ACTR8: variants seen among roughly 807,000 people sequenced by gnomAD.
ACTR8 encodes the protein actin-related protein 8.
In ACTR8, 70 loss-of-function variants were observed where a neutral mutation model predicts 84.3. The ratio of observed to expected loss-of-function variants is 0.83; its 90% CI spans 0.68 to 1.01. ACTR8 has a LOEUF of 1.01. Ranked by LOEUF, ACTR8 falls within the 50% of genes least tolerant of loss-of-function variation. The pLI is 0.00. For synonymous variants in ACTR8, 268 were observed against 275.2 expected (o/e 0.97, Z 0.26); for missense variants, 672 against 775.4 (o/e 0.87, Z 1.58).
At chr3:53,863,950 G>A (rs997550669), downstream of ACTR8, among the ~76,000 whole-genome samples, 2 of 151,770 alleles carry the variant, frequency 1.3e-5, no homozygotes, top group Admixed American at 6.6e-5. Context: ...AGCCGCCTGA[G>A]TAGCTGGGAC....
At position 53,872,632 on chromosome 3, in the gene ACTR8, A is replaced by G. The variant is rs866535112; in HGVS notation, c.1162-108T>C. ...ACAAAACTGGCAGATCAGATTCCCT[A>G]AGTTAGACTGGGCAATGTTCTCTTT... On this transcript the variant is annotated intron_variant, in intron 9 of 12. Transcript: ENST00000335754. 57 of 1,328,668 alleles carry G rather than the reference A, an allele frequency of 4.3e-5. 1 individual carries two copies. Among genetic ancestry groups the G allele is most frequent in the Middle Eastern group, 4.1e-4 (2 of 4,820 alleles). 82.3% of individuals were successfully genotyped at this position (1,328,668 alleles called of 1,614,324 possible). A position where few individuals can be genotyped will look rare whatever the true frequency, so the allele number is the denominator to read the frequency against.
the ACTR8 span, chr3:53,861,655 G>C: frequency 1.3e-5 from 2 of 152,210 alleles, no homozygotes; most frequent in Non-Finnish European, 2.9e-5. Flanking sequence ...AGAATTTAAT[G>C]CCAGTAAAGG....
chr3:53,881,839 GA>G, intron 1 of ACTR8, 139 bp downstream of exon 1: 1 of 1,385,892 alleles, frequency 7.2e-7, no homozygotes. Flanking sequence ...ACCCGGAAAA[GA>G]ACGACCGCTT....
chr3:53,864,660 A>G (rs1699714375), downstream of ACTR8: 1 of 1,014,134 alleles, frequency 9.9e-7, no homozygotes, highest in Non-Finnish European at 1.5e-6. Flanking sequence ...ATTCTCTAGC[A>G]AGGGATCATT....
rs746466161 is a variant in ACTR8 at position 53,870,735 on chromosome 3, T to C, written c.1567+497A>G. Among the ~76,000 whole-genome samples, 2 of 152,184 alleles carry C rather than the reference T, an allele frequency of 1.3e-5. No homozygotes were observed. Among genetic ancestry groups the C allele is most frequent in the Non-Finnish European group, 2.9e-5 (2 of 68,008 alleles). ...CTTCTCTAGCCTCATCCTCACACCC[T>C]GCTTCCCAGCCACACAGGTCTTCAC... is the stretch of plus-strand genomic sequence containing the variant. On this transcript the variant is annotated intron_variant, in intron 11 of 12. Coordinates refer to ENST00000335754, the MANE Select transcript of ACTR8 (RefSeq NM_022899.5). This position sits in a 1 kb window ranked among gnomAD's most constrained non-coding sequence, Gnocchi z 4.1.
chr3:53,880,242 G>T, intron 1 of ACTR8, 133 bp from the exon 2 acceptor site: 1 of 941,358 alleles, frequency 1.1e-6, no homozygotes, highest in Non-Finnish European at 1.6e-6. Flanking sequence ...AGTTCTTTGA[G>T]AAGTATCCAA....
intron 1 of ACTR8, chr3:53,881,652 CG>C (rs1408222749): frequency 2.3e-6 from 1 of 441,070 alleles, no homozygotes; most frequent in African/African-American, 2.1e-5. Flanking sequence ...ACTTGCGAGG[CG>C]GCTGGTTATC....
chr3:53,860,346 T>G, the ACTR8 span: 1 of 719,000 alleles, frequency 1.4e-6, no homozygotes, highest in East Asian at 2.6e-5. Context: ...TTAGATAGCA[T>G]TTATGTAATA....
chr3:53,872,996 T>C, intron 9 of ACTR8, 36 bp downstream of exon 9: 1 of 1,503,122 alleles, frequency 6.7e-7, no homozygotes, highest in Non-Finnish European at 9.2e-7. Flanking sequence ...TGGATAACTT[T>C]CTTTCTACCC....
chr3:53,865,104 A>G, downstream of ACTR8: 1 of 1,614,186 alleles, frequency 6.2e-7, no homozygotes. Context: ...GTGATCTAAG[A>G]AGCCAGATTC....
At chr3:53,879,121 G>A (rs2107074415) in intron 2 of ACTR8, among the ~76,000 whole-genome samples, 1 of 152,250 alleles carries the variant, frequency 6.6e-6, no homozygotes, top group Non-Finnish European at 1.5e-5. Context: ...ATAGTATAAA[G>A]AAAATGCCCA....
rs1320747248 is a variant in ACTR8 at position 53,874,381 on chromosome 3, A to G, written c.912-17T>C. ...AGACAAAGCCTAAAGTTAAGAGAAA[A>G]GGGTAGATGGTTAATCTGTTGGTTA... On this transcript the variant is annotated splice_polypyrimidine_tract_variant and intron_variant, in intron 7 of 12. Coordinates refer to ENST00000335754, the MANE Select transcript of ACTR8 (RefSeq NM_022899.5). 17 of 1,608,586 alleles carry G rather than the reference A, an allele frequency of 1.1e-5. No homozygotes were observed. Among genetic ancestry groups the G allele is most frequent in the Non-Finnish European group, 1.4e-5 (16 of 1,177,766 alleles).
downstream of ACTR8, chr3:53,865,006 GT>G: frequency 6.2e-7 from 1 of 1,614,182 alleles, no homozygotes; most frequent in Non-Finnish European, 8.5e-7. Flanking sequence ...CGTCAACAGT[GT>G]GTGCGATGGT....
rs1466901721 is a variant in ACTR8, at chr3:53,867,358, A to AAAC, written c.*1358_*1360dup. On this transcript the variant is annotated 3_prime_UTR_variant, in exon 13 of 13. Transcript: ENST00000335754. ...ATGCTGTTAACAAATTTAAAAAATA[A>AAAC]AACATACAATTTTCAAATTGAAGGC... 2 of 152,242 alleles carry AAAC rather than the reference A, an allele frequency of 1.3e-5. No individual in the cohort carries two copies. Among genetic ancestry groups the AAAC allele is most frequent in the Admixed American group, 1.3e-4 (2 of 15,284 alleles). 9.4% of individuals were successfully genotyped at this position (152,242 alleles called of 1,614,324 possible). A position where few individuals can be genotyped will look rare whatever the true frequency, so the allele number is the denominator to read the frequency against.
chr3:53,862,044 A>G, the ACTR8 span, among the ~76,000 whole-genome samples: 1 of 152,188 alleles, frequency 6.6e-6, no homozygotes, highest in Non-Finnish European at 1.5e-5. Context: ...TTTTGGTTGT[A>G]CAATAAGAAG....
chr3:53,872,394 T>C lies in ACTR8; in HGVS notation c.1292A>G (p.Lys431Arg). 6.2e-7 allele frequency: 1 copy of C among 1,604,524 alleles called. No individual in the cohort carries two copies. Among genetic ancestry groups the C allele is most frequent in the Non-Finnish European group, 8.5e-7 (1 of 1,176,896 alleles). ...DEHYLLATQS[K>R]QEQSAKATAD... ...AGAATTGCTACGGACCTGTTCTTGT[T>C]TGCTCTGTGTGGCCAGCAGGTAATG... The change falls in exon 10 of 13, where the codon AAA (lysine) becomes AGA (arginine). Residue 431 changes from lysine to arginine, a missense_variant. By Grantham distance (26) the Lys-to-Arg change is conservative. Transcript: ENST00000335754.
intron 7 of ACTR8, among the ~76,000 whole-genome samples, chr3:53,875,127 C>G (rs1699946802): frequency 6.6e-6 from 1 of 152,190 alleles, no homozygotes. Flanking sequence ...GGTAGGAAAC[C>G]TGGGTCCAGC....
In ACTR8 at chr3:53,876,661, T is replaced by C. The variant is rs1406531542; in HGVS notation, c.737A>G (p.Lys246Arg). The change falls in exon 6 of 13, where the codon AAA becomes AGA. Residue 246 changes from lysine (K) to arginine (R), a missense_variant. By Grantham distance (26) the Lys-to-Arg change is conservative (BLOSUM62 2). Transcript: ENST00000335754. ...IPDIYNKQHVKELVNMILMKM... is the reference protein window; with the variant it reads ...IPDIYNKQHVRELVNMILMKM... ...CATTAGTATCATATTCACTAGTTCT[T>C]TCACATGCTGCTTATTATAGATATC... The C allele has an allele frequency of 6.3e-7, 1 of 1,576,818 alleles. No individual in the cohort carries two copies. The highest frequency in any genetic ancestry group is 1.1e-5 in the South Asian group (1 of 87,902).
chr3:53,871,644 C>T, intron 10 of ACTR8, 148 bp from the exon 11 acceptor site: 2 of 929,788 alleles, frequency 2.2e-6, no homozygotes, highest in Non-Finnish European at 3.2e-6. Flanking sequence ...TCCCAGGTAA[C>T]TTAGGAATGA....
Sources: allele counts gnomAD v4.1 joint callset (sites outside exome capture counted in the v4.1 genomes callset), GRCh38; gene constraint gnomAD v4.1.1; non-coding constraint Gnocchi (gnomAD v3.1); transcripts MANE v1.5; gene names NCBI Gene and HGNC (gene_info 2026-07-23, HGNC 2026-07-21).